CHD9: variants seen among roughly 807,000 people sequenced by gnomAD.
The protein encoded by CHD9 is ATP-dependent chromatin remodeler CHD9.
A neutral mutation model predicts 316.1 loss-of-function variants in CHD9; 77 were observed. That is an observed-to-expected ratio of 0.24 (90% CI 0.20 to 0.29). CHD9 has a LOEUF of 0.29. Ranked by LOEUF, CHD9 falls within the 10% of genes least tolerant of loss-of-function variation. CHD9 has a pLI of 1.00. For missense variants in CHD9, 2,763 were observed against 3,438.1 expected, an observed-to-expected ratio of 0.80 and a Z score of 4.91; for synonymous variants, 1,129 against 1,158.3, an observed-to-expected ratio of 0.97 and a Z score of 0.51.
intron 1 of CHD9, among the ~76,000 whole-genome samples, chr16:53,083,097 G>A (rs1266451608): frequency 1.3e-5 from 2 of 152,256 alleles, no homozygotes; most frequent in East Asian, 3.8e-4. Context: ...GCAACAGTGT[G>A]TTGAGGAGAT....
intron 1 of CHD9, among the ~76,000 whole-genome samples, chr16:53,154,760 C>T (rs999593847): frequency 6.6e-6 from 1 of 152,208 alleles, no homozygotes; most frequent in Non-Finnish European, 1.5e-5. Context: ...CTGCTCATCT[C>T]CTGCCGTGCA....
chr16:53,218,930 A>G (rs1002814186), intron 3 of CHD9, among the ~76,000 whole-genome samples: 1 of 152,222 alleles, frequency 6.6e-6, no homozygotes, highest in East Asian at 1.9e-4. Context: ...TTTATTTAGT[A>G]TTGTCCCTTA....
intron 2 of CHD9, among the ~76,000 whole-genome samples, chr16:53,191,745 CTT>C (rs1465379733): frequency 6.6e-6 from 1 of 151,994 alleles, no homozygotes; most frequent in African/African-American, 2.4e-5. Flanking sequence ...CAAGTTCAGT[CTT>C]TTTGTGGATA....
At chr16:53,313,674 G>A (rs1361716103) in intron 34 of CHD9, among the ~76,000 whole-genome samples, 1 of 150,876 alleles carries the variant, frequency 6.6e-6, no homozygotes. Context: ...GCCAGGTGCG[G>A]TGGCTCACGC....
chr16:53,168,011 T>A (rs777717831), intron 2 of CHD9, among the ~76,000 whole-genome samples: 3 of 152,072 alleles, frequency 2.0e-5, no homozygotes, highest in Non-Finnish European at 2.9e-5. Flanking sequence ...TAGGAAACAT[T>A]GAGTATAATT....
At chr16:53,090,328 A>G (rs970389149) in intron 1 of CHD9, among the ~76,000 whole-genome samples, 2 of 152,224 alleles carry the variant, frequency 1.3e-5, no homozygotes, top group Non-Finnish European at 2.9e-5. Flanking sequence ...TGATCATTCC[A>G]GAGAGTCTTC....
At chr16:53,236,574 T>TTC (rs373323219) in intron 11 of CHD9, among the ~76,000 whole-genome samples, 54 of 151,344 alleles carry the variant, frequency 3.6e-4, no homozygotes, top group African/African-American at 1.1e-3. Flanking sequence ...TTGGCTCTGC[T>TTC]TCTCTCTCTC....
chr16:53,103,159 TTA>T (rs141391304), intron 1 of CHD9, among the ~76,000 whole-genome samples: 66,205 of 109,298 alleles, frequency 0.61, 18,020 homozygotes, highest in South Asian at 0.67. Flanking sequence ...CCCTGTCTCT[TTA>T]AAAAAAAAAA....
At chr16:53,229,195 T>G (rs907795183) in intron 8 of CHD9, 95 bp downstream of exon 8, 2 of 592,568 alleles carry the variant, frequency 3.4e-6, no homozygotes, top group African/African-American at 3.7e-5. Context: ...TTCTTAGACT[T>G]CCAGTGTTGA....
chr16:53,082,824 T>C (rs1596916294), intron 1 of CHD9, among the ~76,000 whole-genome samples: 2 of 152,192 alleles, frequency 1.3e-5, no homozygotes, highest in East Asian at 3.9e-4. Context: ...CAGGTTAGAC[T>C]CCCTTCTTCC....
intron 34 of CHD9, among the ~76,000 whole-genome samples, chr16:53,310,163 T>A (rs1217251757): frequency 6.6e-6 from 1 of 152,250 alleles, no homozygotes; most frequent in Admixed American, 6.5e-5. Flanking sequence ...CCATTCAATG[T>A]AATTTTCCAA....
intron 1 of CHD9, among the ~76,000 whole-genome samples, chr16:53,080,671 C>T (rs771371274): frequency 5.9e-5 from 9 of 152,270 alleles, no homozygotes; most frequent in South Asian, 2.1e-4. Context: ...TAGTAAATAC[C>T]GTGACTCTCT....
chr16:53,259,805 A>G (rs551080507), intron 19 of CHD9, among the ~76,000 whole-genome samples: 1 of 152,178 alleles, frequency 6.6e-6, no homozygotes, highest in East Asian at 1.9e-4. Context: ...ATGAGCCACT[A>G]TGCCCAGCCT....
At chr16:53,110,108 C>T (rs1211695568) in intron 1 of CHD9, among the ~76,000 whole-genome samples, 1 of 152,136 alleles carries the variant, frequency 6.6e-6, no homozygotes, top group Non-Finnish European at 1.5e-5. Context: ...CCCAGCAGTC[C>T]CTATTGCCTC....
At chr16:53,101,019 C>G (rs958121495) in intron 1 of CHD9, among the ~76,000 whole-genome samples, 1 of 152,104 alleles carries the variant, frequency 6.6e-6, no homozygotes, top group Non-Finnish European at 1.5e-5. Flanking sequence ...TTTACTTGTT[C>G]ACTGTGCTCA....
At chr16:53,289,496 A>G (rs1377986616) in intron 27 of CHD9, among the ~76,000 whole-genome samples, 1 of 152,354 alleles carries the variant, frequency 6.6e-6, no homozygotes, top group Non-Finnish European at 1.5e-5. Flanking sequence ...GACACAGTTC[A>G]TAAAGGGAGA....
At chr16:53,078,670 C>A (rs2034760825) in intron 1 of CHD9, among the ~76,000 whole-genome samples, 1 of 152,162 alleles carries the variant, frequency 6.6e-6, no homozygotes, top group Non-Finnish European at 1.5e-5. Flanking sequence ...GCATAGTCAA[C>A]TTGGACTATA....
chr16:53,217,645 A>T (rs544671184), intron 3 of CHD9, among the ~76,000 whole-genome samples: 58 of 152,338 alleles, frequency 3.8e-4, no homozygotes, highest in African/African-American at 1.4e-3. Flanking sequence ...GTGCCTCTGT[A>T]ATATTACCTA....
chr16:53,229,504 C>T (rs1246752802), intron 8 of CHD9, among the ~76,000 whole-genome samples: 5 of 152,088 alleles, frequency 3.3e-5, no homozygotes, highest in Non-Finnish European at 7.4e-5. Context: ...GTGAACAGAA[C>T]CTCTGGAAAA....
Sources: gnomAD v4.1 joint callset for allele counts (sites outside exome capture counted in the v4.1 genomes callset) on GRCh38, gnomAD v4.1.1 for gene constraint, MANE v1.5 for transcripts, NCBI Gene and HGNC (gene_info 2026-07-23, HGNC 2026-07-21) for gene names.